The following GRIP1 variants were observed in gnomAD, a reference collection of about 807,000 sequenced individuals.
GRIP1 encodes glutamate receptor-interacting protein 1.
In GRIP1, 45 loss-of-function variants were observed where a neutral mutation model predicts 129.9. That is an observed-to-expected ratio of 0.35 (90% CI 0.27 to 0.44). The LOEUF (loss-of-function observed/expected upper bound fraction) is 0.44. Ranked by LOEUF, GRIP1 falls within the 20% of genes least tolerant of loss-of-function variation. GRIP1 has a pLI of 1.00. For synonymous variants in GRIP1, 530 were observed against 520.8 expected, an observed-to-expected ratio of 1.02 and a Z score of -0.24; for missense variants, 1,196 against 1,396.8, an observed-to-expected ratio of 0.86 and a Z score of 2.29.
rs181632181 is a variant in GRIP1, at chr12:66,627,634, T to A, written c.56-30707A>T. Among the ~76,000 whole-genome samples the A allele has an allele frequency of 5.1e-3, 772 of 152,216 alleles. 14 individuals are homozygous for A. Among genetic ancestry groups the A allele is most frequent in the Non-Finnish European group, 5.3e-3 (361 of 68,004 alleles). On this transcript the variant is annotated intron_variant, in intron 1 of 24. Coordinates refer to ENST00000359742, the MANE Select transcript of GRIP1 (RefSeq NM_001366722.1). ...TTTCCCCAAGTCAGCCCCATGCCAT[T>A]TGAGTGGAGCTGATTTTCCCTGCAG...
chr12:66,888,415 A>G (rs995355284), intron 1 of GRIP1, among the ~76,000 whole-genome samples: 7 of 152,192 alleles, frequency 4.6e-5, no homozygotes, highest in Admixed American at 1.3e-4. Context: ...GCTGGAGTAC[A>G]GTGGCGCGAT....
At position 66,685,982 on chromosome 12, in the gene GRIP1, G is replaced by A. The variant is rs189458432; in HGVS notation, c.-419-55646C>T. On this transcript the variant is annotated intron_variant, in intron 1 of 4. Coordinates refer to the GRIP1 transcript ENST00000538373. ...TTTTGTCGAATAAATAAATGTGAAA[G>A]GATTTCCCTTCTAGTGGATTTCTTT... Among the ~76,000 whole-genome samples, 44 of 152,170 alleles carry A rather than the reference G, an allele frequency of 2.9e-4. No homozygotes were observed. The East Asian group carries it at 4.8e-3, about 17-fold the overall frequency.
intron 15 of GRIP1, among the ~76,000 whole-genome samples, chr12:66,414,496 T>C (rs2057514831): frequency 2.6e-5 from 4 of 152,058 alleles, no homozygotes; most frequent in Admixed American, 2.0e-4. Flanking sequence ...AAAAAATCAA[T>C]ATCATGAAAA....
intron 1 of GRIP1, among the ~76,000 whole-genome samples, chr12:66,750,418 G>C (rs1199626020): frequency 2.6e-5 from 4 of 152,156 alleles, no homozygotes; most frequent in Admixed American, 2.6e-4. Context: ...GCAGTTGTCA[G>C]TGCTTGGTAC....
intron 7 of GRIP1, among the ~76,000 whole-genome samples, chr12:66,502,142 A>G (rs2060410054): frequency 6.6e-6 from 1 of 152,196 alleles, no homozygotes; most frequent in East Asian, 1.9e-4. Context: ...TCAGGTCCAG[A>G]GACAGAATAG....
At chr12:66,642,442 G>A (rs1272437051) in intron 1 of GRIP1, among the ~76,000 whole-genome samples, 1 of 151,986 alleles carries the variant, frequency 6.6e-6, no homozygotes, top group East Asian at 1.9e-4. Flanking sequence ...GTAGGGCAGA[G>A]AGAGAAATTG....
At chr12:66,652,969 G>A (rs551273871) in intron 1 of GRIP1, among the ~76,000 whole-genome samples, 16 of 152,328 alleles carry the variant, frequency 1.1e-4, no homozygotes, top group African/African-American at 3.8e-4. Flanking sequence ...AAAGACTCCA[G>A]AGGTAGAAAA....
rs2040701954 is a variant in GRIP1, at chr12:66,893,860, A to G, written c.58+175190T>C. ...TTCAAAACCCTCCAATGGTTTCAGC[A>G]TCTTACTCAAACCAAAAGCCAAAGT... is the stretch of plus-strand genomic sequence containing the variant. On this transcript the variant is annotated intron_variant, in intron 1 of 1. Transcript: ENST00000643019. Among the ~76,000 whole-genome samples, 5 of 152,328 alleles carry G rather than the reference A, an allele frequency of 3.3e-5. No individual in the cohort carries two copies. In the South Asian group the frequency reaches 1.0e-3, roughly 32 times the overall value.
At chr12:66,452,282 T>C (rs752164173) in intron 11 of GRIP1, among the ~76,000 whole-genome samples, 3 of 152,168 alleles carry the variant, frequency 2.0e-5, no homozygotes, top group Non-Finnish European at 4.4e-5. Flanking sequence ...GAAAGGGCAG[T>C]AAGATTCCAG....
chr12:66,564,623 A>G (rs1592559497), intron 2 of GRIP1, among the ~76,000 whole-genome samples: 1 of 152,008 alleles, frequency 6.6e-6, no homozygotes, highest in South Asian at 2.1e-4. Context: ...ATGATTTATA[A>G]TCCTTTGGGT....
At chr12:66,657,482 C>T (rs2033233514) in intron 1 of GRIP1, among the ~76,000 whole-genome samples, 1 of 152,166 alleles carries the variant, frequency 6.6e-6, no homozygotes. Context: ...TAAACTGAGC[C>T]TCTATTCAAG....
At position 66,736,917 on chromosome 12, in the gene GRIP1, ATT is replaced by A. The variant is rs3051135; in HGVS notation, c.-420+67134_-420+67135del. Among the ~76,000 whole-genome samples, 261 of 140,216 alleles carry A rather than the reference ATT, an allele frequency of 1.9e-3. 1 individual carries two copies. The highest frequency in any genetic ancestry group is 2.2e-3 in the Admixed American group (31 of 14,036). 92.0% of individuals were successfully genotyped at this position (140,216 alleles called of 152,430 possible). Reference sequence around the variant, plus strand: ...TGCTTTGATATACAGTTTGCAAGTCATTTTTTTTTTTTTTTTTGAAATTGTGT... The same window carrying A: ...TGCTTTGATATACAGTTTGCAAGTCATTTTTTTTTTTTTTTGAAATTGTGT... On this transcript the variant is annotated intron_variant, in intron 1 of 4. Transcript: ENST00000538373.
At chr12:66,997,174 C>A (rs893768257) in intron 1 of GRIP1, among the ~76,000 whole-genome samples, 1 of 152,016 alleles carries the variant, frequency 6.6e-6, no homozygotes, top group Admixed American at 6.6e-5. Flanking sequence ...GAATTTAATA[C>A]AAAATTACAA....
chr12:66,365,919 C>A (rs1253959763), intron 23 of GRIP1, among the ~76,000 whole-genome samples: 2 of 152,164 alleles, frequency 1.3e-5, no homozygotes, highest in African/African-American at 4.8e-5. Context: ...TAACAAGTGA[C>A]CCTGCTCCCT....
At chr12:66,822,565 G>A (rs78621384) in intron 1 of GRIP1, among the ~76,000 whole-genome samples, 3,345 of 152,200 alleles carry the variant, frequency 0.022, 126 homozygotes, top group African/African-American at 0.075. Context: ...GTTTGTCACA[G>A]CACTTATTAA....
At chr12:66,527,782 A>G (rs1274365341) in intron 5 of GRIP1, among the ~76,000 whole-genome samples, 1 of 152,150 alleles carries the variant, frequency 6.6e-6, no homozygotes, top group Non-Finnish European at 1.5e-5. Flanking sequence ...AAAGAAGGGA[A>G]CAACAGACAC....
intron 1 of GRIP1, among the ~76,000 whole-genome samples, chr12:66,612,988 A>G (rs990491196): frequency 7.9e-5 from 12 of 152,216 alleles, no homozygotes; most frequent in East Asian, 1.9e-4. Context: ...TGCTGTTCAC[A>G]TGTAATGATT....
rs561668105 is a variant in GRIP1 at position 66,900,246 on chromosome 12, C to T, written c.58+168804G>A. 2.0e-5 allele frequency among the ~76,000 whole-genome samples: 3 copies of T among 152,274 alleles called. No homozygotes were observed. In the East Asian group the frequency reaches 5.8e-4, roughly 29 times the overall value. ...AAACAAGACAGGTTTGTTTCCTCTT[C>T]AGATAAATGAAGTAGAGATGTAAGC... On this transcript the variant is annotated intron_variant, in intron 1 of 1. Coordinates refer to the GRIP1 transcript ENST00000643019.
At chr12:66,538,942 A>G (rs2061687587) in intron 4 of GRIP1, 136 bp downstream of exon 4, 3 of 745,330 alleles carry the variant, frequency 4.0e-6, no homozygotes, top group Admixed American at 4.5e-5. Context: ...AAATTTATCA[A>G]TTAAACTTTA....
Sources: gnomAD v4.1 joint callset for allele counts (sites outside exome capture counted in the v4.1 genomes callset) on GRCh38, gnomAD v4.1.1 for gene constraint, MANE v1.5 for transcripts, NCBI Gene and HGNC (gene_info 2026-07-23, HGNC 2026-07-21) for gene names.